The following SYNE2 variants were observed in gnomAD, a reference collection of about 807,000 sequenced individuals.
SYNE2 encodes the protein spectrin repeat containing nuclear envelope protein 2, also known as nesprin-2.
Under a neutral mutation model 856.3 loss-of-function variants are expected in SYNE2, and 431 were observed. The ratio of observed to expected loss-of-function variants is 0.50; its 90% CI spans 0.47 to 0.55. SYNE2 has a LOEUF of 0.55. Ranked by LOEUF, SYNE2 falls within the 20% of genes least tolerant of loss-of-function variation. The probability of loss-of-function intolerance (pLI) is 0.00; values close to 1 mark genes in which losing one functional copy is unlikely to be tolerated. For missense variants in SYNE2, 8,129 were observed against 8,023.2 expected (o/e 1.01, Z -0.50); for synonymous variants, 2,923 against 2,872.3 (o/e 1.02, Z -0.56).
chr14:63,780,363 A>C (rs1887264165), intron 1 of SYNE2, among the ~76,000 whole-genome samples: 1 of 151,986 alleles, frequency 6.6e-6, no homozygotes, highest in Non-Finnish European at 1.5e-5. Flanking sequence ...GCGAAACCTC[A>C]TCTCTACTAA....
chr14:63,807,819 TTA>T (rs71120288), intron 1 of SYNE2, among the ~76,000 whole-genome samples: 426 of 25,378 alleles, frequency 0.017, 1 homozygote, highest in Middle Eastern at 0.062. Flanking sequence ...TACTCCAGGC[TTA>T]TATATATATA....
In SYNE2 at chr14:64,102,017, C is replaced by T; in HGVS notation, c.12467C>T (p.Ser4156Phe). Residue 4156 changes from serine (S) to phenylalanine (F), a missense_variant, in exon 64 of 116, where the codon TCC becomes TTC. By Grantham distance (155) the Ser-to-Phe change is radical. Around this residue, in one of 3 missense-constraint regions of SYNE2, gnomAD observed 5,410 missense variants for 5,284.8 expected, o/e 1.02. Coordinates refer to ENST00000555002, the MANE Select transcript of SYNE2 (RefSeq NM_182914.3). Reference protein sequence around the residue: ...HDKDMEEDRASSSSGTIVQEA... With the variant: ...HDKDMEEDRAFSSSGTIVQEA... ...AAGGACATGGAAGAAGACAGAGCTT[C>T]CTCATCCTCTGGAACAATTGTTCAG... The T allele has an allele frequency of 6.2e-7, 1 of 1,613,886 alleles. No homozygotes were observed. Among genetic ancestry groups the T allele is most frequent in the Non-Finnish European group, 8.5e-7 (1 of 1,179,802 alleles).
chr14:63,979,285 C>T (rs893906279), intron 14 of SYNE2, among the ~76,000 whole-genome samples: 1 of 152,082 alleles, frequency 6.6e-6, no homozygotes, highest in African/African-American at 2.4e-5. Flanking sequence ...TAAAAGGTTT[C>T]CATGCTTTTT....
intron 32 of SYNE2, among the ~76,000 whole-genome samples, chr14:64,012,516 A>G (rs1452241603): frequency 6.6e-6 from 1 of 152,220 alleles, no homozygotes; most frequent in Non-Finnish European, 1.5e-5. Context: ...GTGTGTATAT[A>G]GTAGAAATAA....
intron 1 of SYNE2, among the ~76,000 whole-genome samples, chr14:63,861,357 C>T (rs1047634821): frequency 4.6e-5 from 7 of 151,858 alleles, no homozygotes; most frequent in Admixed American, 4.6e-4. Flanking sequence ...GTTGGTCATG[C>T]TGGTCTCGAA....
At chr14:64,222,992 G>A (rs2098701973) in intron 112 of SYNE2, among the ~76,000 whole-genome samples, 197 bp from the exon 113 acceptor site, 1 of 152,126 alleles carries the variant, frequency 6.6e-6, no homozygotes, top group African/African-American at 2.4e-5. Context: ...TAAAAATAGG[G>A]GCAGGGCATA....
At chr14:63,814,669 C>CAT (rs1391318393) in intron 1 of SYNE2, among the ~76,000 whole-genome samples, 1 of 55,714 alleles carries the variant, frequency 1.8e-5, no homozygotes, top group Non-Finnish European at 3.8e-5. Context: ...TATATATATC[C>CAT]ATATATATCC....
intron 25 of SYNE2, 59 bp from the exon 26 acceptor site, chr14:63,998,159 CT>C (rs1420809855): frequency 6.7e-5 from 80 of 1,193,482 alleles, no homozygotes; most frequent in Non-Finnish European, 9.3e-5. Context: ...AAGCATTTAT[CT>C]TTTCCAGATA....
In SYNE2 at chr14:64,121,048, T is replaced by A. The variant is rs199799931; in HGVS notation, c.13145T>A (p.Phe4382Tyr). The A allele has an allele frequency of 6.2e-7, 1 of 1,614,044 alleles. No individual in the cohort carries two copies. Among genetic ancestry groups the A allele is most frequent in the East Asian group, 2.2e-5 (1 of 44,866 alleles). Residue 4382 changes from phenylalanine (F) to tyrosine (Y), a missense_variant, in exon 68 of 116, where the codon TTC becomes TAC. Transcript: ENST00000555002. Reference protein sequence around the residue: ...ERPQFSRQKDFQQQQVLELKP... With the variant: ...ERPQFSRQKDYQQQQVLELKP... Reference sequence around the variant, plus strand: ...CCACAATTCAGCAGACAAAAAGATTTCCAGCAGCAACAGGTAATTCTAGCC... The same window carrying A: ...CCACAATTCAGCAGACAAAAAGATTACCAGCAGCAACAGGTAATTCTAGCC...
chr14:63,946,729 A>T (rs577554364), intron 6 of SYNE2, among the ~76,000 whole-genome samples: 2 of 150,512 alleles, frequency 1.3e-5, no homozygotes, highest in African/African-American at 4.9e-5. Context: ...TGTAGAATAT[A>T]TATATAAATT....
At chr14:63,878,491 T>A (rs2094780019) in intron 1 of SYNE2, among the ~76,000 whole-genome samples, 1 of 152,202 alleles carries the variant, frequency 6.6e-6, no homozygotes, top group African/African-American at 2.4e-5. Flanking sequence ...CTCCCTAGAT[T>A]CTGGTCATTT....
intron 79 of SYNE2, 60 bp from the exon 80 acceptor site, chr14:64,139,881 T>G: frequency 6.4e-7 from 1 of 1,573,126 alleles, no homozygotes; most frequent in Non-Finnish European, 8.7e-7. Flanking sequence ...TTGCTGGTGA[T>G]GCATATCATT....
At chr14:64,101,857 CGTGA>C (rs1407504317) in intron 63 of SYNE2, 71 bp from the exon 64 acceptor site, 3 of 1,063,626 alleles carry the variant, frequency 2.8e-6, no homozygotes, top group Non-Finnish European at 4.4e-6. Context: ...GTATAAAAGA[CGTGA>C]GTGAGTAGGG....
chr14:63,773,015 T>A (rs1886975362), intron 1 of SYNE2, among the ~76,000 whole-genome samples: 1 of 151,614 alleles, frequency 6.6e-6, no homozygotes. Flanking sequence ...TGACCTCAGA[T>A]GATCTGCACG....
At chr14:63,966,129 A>G (rs1189008421) in intron 10 of SYNE2, among the ~76,000 whole-genome samples, 1 of 152,146 alleles carries the variant, frequency 6.6e-6, no homozygotes, top group Non-Finnish European at 1.5e-5. Context: ...GCATGGTTCT[A>G]AAGCAGAGGT....
In SYNE2 at chr14:63,920,887, G is replaced by A. The variant is rs1254861084; in HGVS notation, c.79+11660G>A. 2.0e-5 allele frequency among the ~76,000 whole-genome samples: 3 copies of A among 152,122 alleles called. No homozygotes were observed. The East Asian group carries it at 5.8e-4, about 29-fold the overall frequency. ...CCAGCACTTTGGGAGGCAGAGGCGGGTGGATCACTTGAGGCCAGGAGTTCG... is the reference window on the plus strand; with the variant it reads ...CCAGCACTTTGGGAGGCAGAGGCGGATGGATCACTTGAGGCCAGGAGTTCG... On this transcript the variant is annotated intron_variant, in intron 2 of 115. Coordinates refer to ENST00000555002, the MANE Select transcript of SYNE2 (RefSeq NM_182914.3).
At chr14:64,028,501 T>A (rs1054827645) in intron 43 of SYNE2, among the ~76,000 whole-genome samples, 1 of 152,132 alleles carries the variant, frequency 6.6e-6, no homozygotes, top group Non-Finnish European at 1.5e-5. Flanking sequence ...ATAATCCTCC[T>A]GCCTCAGCCT....
rs528490468 is a variant in SYNE2, at chr14:63,983,004, C to T, written c.2001+210C>T. On this transcript the variant is annotated intron_variant, in intron 17 of 115. Coordinates refer to ENST00000555002, the MANE Select transcript of SYNE2 (RefSeq NM_182914.3). ...TCCAACCCCCACCCCCTAAGCCCTA[C>T]ACAACCATGAATCCACTGTCTTTCT... 1.9e-3 allele frequency among the ~76,000 whole-genome samples: 295 copies of T among 152,250 alleles called. 1 individual carries two copies. Among genetic ancestry groups the T allele is most frequent in the African/African-American group, 6.7e-3 (279 of 41,550 alleles).
At chr14:64,198,257 G>C (rs558902714) in intron 99 of SYNE2, among the ~76,000 whole-genome samples, 3 of 152,350 alleles carry the variant, frequency 2.0e-5, no homozygotes, top group South Asian at 4.1e-4. Flanking sequence ...GGTTGCTTCT[G>C]TGTGCCAGCA....
Sources: gnomAD v4.1 joint callset for allele counts (sites outside exome capture counted in the v4.1 genomes callset) on GRCh38, gnomAD v4.1.1 for gene constraint, gnomAD v4.1.1 regional missense constraint, MANE v1.5 for transcripts, NCBI Gene and HGNC (gene_info 2026-07-23, HGNC 2026-07-21) for gene names.